GOT1: variants seen among roughly 807,000 people sequenced by gnomAD.
The protein encoded by GOT1 is aspartate aminotransferase, cytoplasmic.
In GOT1, 25 loss-of-function variants were observed where a neutral mutation model predicts 48.2. The observed-to-expected ratio is 0.52, with a 90% CI of 0.38 to 0.72. GOT1 has a LOEUF of 0.72. Among genes scored for constraint, GOT1 ranks in the 30% least tolerant of loss-of-function variants. The pLI, the probability that GOT1 is intolerant of heterozygous loss-of-function variation, is 0.00. For missense variants in GOT1, 380 were observed against 520.1 expected (o/e 0.73, Z 2.62); for synonymous variants, 188 against 193.8 (o/e 0.97, Z 0.25).
intron 2 of GOT1, among the ~76,000 whole-genome samples, chr10:99,413,608 CA>C (rs2032855417): frequency 6.6e-6 from 1 of 152,116 alleles, no homozygotes; most frequent in Admixed American, 6.5e-5. Context: ...AGATACTCCT[CA>C]AAAACAGCAA....
At chr10:99,414,713 T>C (rs2032872044) in intron 2 of GOT1, among the ~76,000 whole-genome samples, 1 of 151,994 alleles carries the variant, frequency 6.6e-6, no homozygotes. Flanking sequence ...TCAGCAAATG[T>C]AAAAGAACAG....
At chr10:99,424,733 G>C (rs1168456123) in intron 1 of GOT1, among the ~76,000 whole-genome samples, 1 of 152,028 alleles carries the variant, frequency 6.6e-6, no homozygotes, top group African/African-American at 2.4e-5. Context: ...TGTCTATACT[G>C]TGACTAAAAA....
intron 1 of GOT1, among the ~76,000 whole-genome samples, chr10:99,423,194 T>C (rs762898331): frequency 2.0e-5 from 3 of 152,250 alleles, no homozygotes; most frequent in Non-Finnish European, 4.4e-5. Context: ...GTAGTTTTAA[T>C]TTGCATTTAT....
chr10:99,402,490 T>G (rs2032693745), intron 8 of GOT1, 90 bp downstream of exon 8: 1 of 1,422,402 alleles, frequency 7.0e-7, no homozygotes, highest in Non-Finnish European at 9.8e-7. Context: ...GCAAAGGCTG[T>G]GAAAGTGAGC....
Position 99,430,598 on chromosome 10 carries a change from C to T in GOT1, c.-33G>A. 1 of 1,534,524 alleles carries T rather than the reference C, an allele frequency of 6.5e-7. No homozygotes were observed. The highest frequency in any genetic ancestry group is 8.9e-7 in the Non-Finnish European group (1 of 1,128,628). Reference sequence around the variant, plus strand: ...GACTAGGAATCAAGAGATTTCACCCCACGCCCGGAGCTGGCAGGTCAGGTC... The same window carrying T: ...GACTAGGAATCAAGAGATTTCACCCTACGCCCGGAGCTGGCAGGTCAGGTC... On this transcript the variant is annotated 5_prime_UTR_variant, in exon 1 of 9. Coordinates refer to ENST00000370508, the MANE Select transcript of GOT1 (RefSeq NM_002079.3).
chr10:99,403,397 A>G (rs1408322889), intron 7 of GOT1, 72 bp downstream of exon 7: 20 of 1,203,628 alleles, frequency 1.7e-5, no homozygotes, highest in Non-Finnish European at 2.3e-5. Context: ...GAAGAGACCC[A>G]GTTAAATGTA....
rs1006051645 is a variant in GOT1, at chr10:99,402,828, C to T, written c.960-106G>A. On this transcript the variant is annotated intron_variant, in intron 7 of 8. Transcript: ENST00000370508. Reference sequence around the variant, plus strand: ...TTTAAACGACAGCTGACAATGGGATCATAACCTGCCTATTATGGCATGTGG... The same window carrying T: ...TTTAAACGACAGCTGACAATGGGATTATAACCTGCCTATTATGGCATGTGG... The T allele has an allele frequency of 4.5e-6, 4 of 879,336 alleles. No homozygotes were observed. The African/African-American group carries it at 6.6e-5, about 14-fold the overall frequency. The allele number at this position is 879,336 out of a possible 1,614,324, so 54.5% of individuals were successfully genotyped here.
intron 8 of GOT1, 31 bp downstream of exon 8, chr10:99,402,549 G>C: frequency 6.2e-7 from 1 of 1,611,642 alleles, no homozygotes; most frequent in Middle Eastern, 1.7e-4. Context: ...CTACATGCAC[G>C]CATGGGCTGG....
intron 8 of GOT1, among the ~76,000 whole-genome samples, chr10:99,400,024 TG>T (rs2032650413): frequency 6.6e-6 from 1 of 152,238 alleles, no homozygotes; most frequent in Non-Finnish European, 1.5e-5. Context: ...AGTGATTAAA[TG>T]ACTCCTACCC....
chr10:99,397,429 A>G lies in GOT1; in HGVS notation c.*118T>C. On this transcript the variant is annotated 3_prime_UTR_variant, in exon 9 of 9. Transcript: ENST00000370508. The surrounding 1 kb of genome is among the most constrained non-coding windows in gnomAD (Gnocchi z 5.4). ...GTTTAAACAGAGGCTGCCTCACCAG[A>G]GCAGCCTTTCAGTCCTGCAAGTGTC... 1.9e-6 allele frequency: 2 copies of G among 1,076,978 alleles called. No individual in the cohort carries two copies. The highest frequency in any genetic ancestry group is 2.8e-6 in the Non-Finnish European group (2 of 712,178). The allele number at this position is 1,076,978 out of a possible 1,614,324, so 66.7% of individuals were successfully genotyped here.
chr10:99,403,585 G>T lies in GOT1; in HGVS notation c.843C>A (p.Ile281=). The stretch of plus-strand genomic sequence containing the variant: ...TCTCCATCTGGGAAAGGACTTGCAG[G>T]ATGCTCTCAGGTTCTTTTCCAACCA... The part of the protein sequence containing the change: ...LTVVGKEPES[I]LQVLSQMEKI... Residue 281 remains isoleucine, a synonymous_variant, in exon 7 of 9, where the codon ATC becomes ATA. Transcript: ENST00000370508. 6.2e-7 allele frequency: 1 copy of T among 1,614,154 alleles called. No individual in the cohort carries two copies. The highest frequency in any genetic ancestry group is 8.5e-7 in the Non-Finnish European group (1 of 1,180,004).
chr10:99,430,280 T>TA (rs746552523), intron 1 of GOT1, 168 bp downstream of exon 1: 12 of 1,556,102 alleles, frequency 7.7e-6, no homozygotes, highest in African/African-American at 1.4e-5. Context: ...CCTGCATCTG[T>TA]AAAATGGGCA....
intron 5 of GOT1, among the ~76,000 whole-genome samples, chr10:99,404,810 T>TC (rs1423223309): frequency 6.6e-6 from 1 of 152,102 alleles, no homozygotes; most frequent in Non-Finnish European, 1.5e-5. Flanking sequence ...TCTAGCCTCA[T>TC]CACTCACACT....
At chr10:99,423,837 A>G (rs1314755964) in intron 1 of GOT1, among the ~76,000 whole-genome samples, 1 of 151,184 alleles carries the variant, frequency 6.6e-6, no homozygotes, top group Non-Finnish European at 1.5e-5. Flanking sequence ...TAAATTTTTC[A>G]TAGAAACAGG....
intron 2 of GOT1, among the ~76,000 whole-genome samples, chr10:99,417,477 T>C (rs1378632110): frequency 6.6e-6 from 1 of 152,234 alleles, no homozygotes; most frequent in Non-Finnish European, 1.5e-5. Context: ...TTTACACTGT[T>C]GGTGGGACTG....
chr10:99,427,820 C>G (rs564629775), intron 1 of GOT1, among the ~76,000 whole-genome samples: 5 of 152,318 alleles, frequency 3.3e-5, no homozygotes, highest in African/African-American at 1.2e-4. Flanking sequence ...AGCTCTACCA[C>G]CCAGTGGTCA....
rs115881218 is a variant in GOT1 at position 99,402,513 on chromosome 10, G to A, written c.1102+67C>T. The stretch of plus-strand genomic sequence containing the variant: ...TGTGAAAGTGAGCTCAGCTCAAGGC[G>A]AGCGACTGAAAGGAATGTTGTGTGT... On this transcript the variant is annotated intron_variant, in intron 8 of 8. Coordinates refer to ENST00000370508, the MANE Select transcript of GOT1 (RefSeq NM_002079.3). 9.2e-4 allele frequency: 1,422 copies of A among 1,542,724 alleles called. 13 individuals are homozygous for A. The highest frequency in any genetic ancestry group is 7.4e-3 in the African/African-American group (542 of 73,696).
chr10:99,406,800 G>C lies in GOT1; in HGVS notation c.350C>G (p.Ala117Gly). The C allele has an allele frequency of 6.2e-7, 1 of 1,613,598 alleles. No homozygotes were observed. The change falls in exon 3 of 9, where the codon GCT becomes GGT. Residue 117 changes from alanine (A) to glycine (G), a missense_variant. Transcript: ENST00000370508. ...LGGTGALRIG[A>G]DFLARWYNGT... is the part of the protein sequence containing the mutation. ...ATTGTACCAACGCGCTAAGAAATCA[G>C]CTCCAATTCGAAGTGCACCTGTTCC...
chr10:99,405,593 ATCTT>A (rs2032744960), intron 5 of GOT1, among the ~76,000 whole-genome samples, 159 bp downstream of exon 5: 1 of 151,760 alleles, frequency 6.6e-6, no homozygotes, highest in African/African-American at 2.4e-5. Context: ...CATTAACAGT[ATCTT>A]TCTTTAGGTA....
Sources: gnomAD v4.1 joint callset for allele counts (sites outside exome capture counted in the v4.1 genomes callset) on GRCh38, gnomAD v4.1.1 for gene constraint, Gnocchi (gnomAD v3.1) non-coding constraint, MANE v1.5 for transcripts, NCBI Gene and HGNC (gene_info 2026-07-23, HGNC 2026-07-21) for gene names.